Variants in IGSF3 observed in about 807,000 individuals in gnomAD.
IGSF3 encodes the protein glu-Trp-Ile EWI motif-containing protein 3.
IGSF3 carries 23 observed loss-of-function variants against 114.4 expected under a neutral mutation model. The ratio of observed to expected loss-of-function variants is 0.20; its 90% CI spans 0.14 to 0.28. The LOEUF (loss-of-function observed/expected upper bound fraction) is 0.28. Among genes scored for constraint, IGSF3 ranks in the 10% least tolerant of loss-of-function variants. The pLI is 1.00. For synonymous variants in IGSF3, 571 were observed against 645.2 expected, an observed-to-expected ratio of 0.88 and a Z score of 1.74; for missense variants, 1,172 against 1,591.5, an observed-to-expected ratio of 0.74 and a Z score of 4.48.
chr1:116,653,208 T>A (rs1462869361), intron 2 of IGSF3, among the ~76,000 whole-genome samples: 2 of 152,156 alleles, frequency 1.3e-5, no homozygotes, highest in Admixed American at 6.5e-5. Context: ...CCGTTACAGA[T>A]CACAGAGTAA....
rs201362284 is a variant in IGSF3, at chr1:116,584,679, G to C, written c.2814C>G (p.Thr938=). 1.1e-4 allele frequency: 184 copies of C among 1,614,160 alleles called. 1 individual carries two copies. The East Asian group carries it at 3.9e-3, about 34-fold the overall frequency. Residue 938 remains threonine (T), a synonymous_variant, in exon 9 of 11, where the codon ACC becomes ACG. Coordinates refer to ENST00000369486, the MANE Select transcript of IGSF3 (RefSeq NM_001007237.3). This position sits in a 1 kb window ranked among gnomAD's most constrained non-coding sequence, Gnocchi z 5.8. The part of the protein sequence containing the change: ...SGMWYKRAED[T]AGQTALTVMR... ...TGACTGTCAGAGCTGTCTGCCCAGC[G>C]GTGTCCTCTGCCCGCTTATACCACA...
rs768491190 is a variant in IGSF3 at position 116,616,360 on chromosome 1, G to A, written c.141C>T (p.Tyr47=). Residue 47 remains tyrosine (Y), a synonymous_variant, in exon 3 of 11, where the codon TAC becomes TAT. Coordinates refer to ENST00000369486, the MANE Select transcript of IGSF3 (RefSeq NM_001007237.3). This position sits in a 1 kb window ranked among gnomAD's most constrained non-coding sequence, Gnocchi z 6.6. ...HITIWCNVSG[Y]QGPSEQNFQW... ...GGAAATTCTGCTCAGAAGGTCCCTG[G>A]TAGCCACTCACATTGCACCAGATAG... 3 of 1,611,626 alleles carry A rather than the reference G, an allele frequency of 1.9e-6. No homozygotes were observed. Among genetic ancestry groups the A allele is most frequent in the Non-Finnish European group, 2.5e-6 (3 of 1,179,882 alleles).
In IGSF3 at chr1:116,577,568, A is replaced by G. The variant is rs1324375617; in HGVS notation, c.3335-6T>C. The G allele has an allele frequency of 1.2e-6, 2 of 1,613,358 alleles. No homozygotes were observed. The highest frequency in any genetic ancestry group is 4.5e-5 in the East Asian group (2 of 44,888). ...GATGGACTGGAGGGTGGGACCTGAA[A>G]AGAATCATGAGAGAGACAAGACAAT... On this transcript the variant is annotated splice_region_variant and splice_polypyrimidine_tract_variant and intron_variant, in intron 10 of 10. Coordinates refer to ENST00000369486, the MANE Select transcript of IGSF3 (RefSeq NM_001007237.3). The surrounding 1 kb of genome is among the most constrained non-coding windows in gnomAD (Gnocchi z 5.7).
At position 116,608,180 on chromosome 1, in the gene IGSF3, C is replaced by T. The variant is rs1660869268; in HGVS notation, c.984G>A (p.Met328Ile). The T allele has an allele frequency of 1.9e-6, 3 of 1,612,296 alleles. No homozygotes were observed. Among genetic ancestry groups the T allele is most frequent in the Non-Finnish European group, 2.5e-6 (3 of 1,178,468 alleles). The part of the protein sequence containing the change: ...WAFNSSLIAT[M>I]GPNAVPVLNS... ...TGAGGACAGGCACAGCGTTAGGACC[C>T]ATGGTGGCGATGAGCGAGCTGTTGA... Residue 328 changes from methionine (M) to isoleucine (I), a missense_variant, in exon 5 of 11, where the codon ATG becomes ATA. Around this residue, in one of 3 missense-constraint regions of IGSF3, gnomAD observed 736 missense variants for 1,042.0 expected, o/e 0.71. Coordinates refer to ENST00000369486, the MANE Select transcript of IGSF3 (RefSeq NM_001007237.3).
chr1:116,664,155 C>A lies in IGSF3; in HGVS notation c.43+2129G>T, dbSNP rs538509039. On this transcript the variant is annotated intron_variant, in intron 2 of 10. Coordinates refer to ENST00000369486, the MANE Select transcript of IGSF3 (RefSeq NM_001007237.3). This position sits in a 1 kb window ranked among gnomAD's most constrained non-coding sequence, Gnocchi z 4.6. The stretch of plus-strand genomic sequence containing the variant: ...AGGTTCCACCAGTGGGGCTCCAAAT[C>A]AGGCAGAGATCCACATGCATGCCTA... Among the ~76,000 whole-genome samples the A allele has an allele frequency of 1.3e-5, 2 of 152,310 alleles. No homozygotes were observed. Among genetic ancestry groups the A allele is most frequent in the African/African-American group, 4.8e-5 (2 of 41,558 alleles).
chr1:116,583,920 C>T lies in IGSF3; in HGVS notation c.2848+725G>A, dbSNP rs1049045867. Among the ~76,000 whole-genome samples, 1 of 152,168 alleles carries T rather than the reference C, an allele frequency of 6.6e-6. No individual in the cohort carries two copies. Among genetic ancestry groups the T allele is most frequent in the Non-Finnish European group, 1.5e-5 (1 of 68,022 alleles). ...AAATTATTGGGACCAGGCACAGTAG[C>T]TCACACCTGTAATCCCACCACTTTG... On this transcript the variant is annotated intron_variant, in intron 9 of 10. Transcript: ENST00000369486. This position sits in a 1 kb window ranked among gnomAD's most constrained non-coding sequence, Gnocchi z 4.5.
chr1:116,607,821 G>T lies in IGSF3; in HGVS notation c.1222+121C>A. ...GCTCAATGGTTTTTCCCCCAGCTCT[G>T]CATTAACCTCGAGGGTTCCATCTGC... On this transcript the variant is annotated intron_variant, in intron 5 of 10. Transcript: ENST00000369486. This position sits in a 1 kb window ranked among gnomAD's most constrained non-coding sequence, Gnocchi z 6.1. The T allele has an allele frequency of 2.0e-6, 2 of 977,852 alleles. No homozygotes were observed. The highest frequency in any genetic ancestry group is 6.5e-4 in the Middle Eastern group (2 of 3,090). 60.6% of individuals were successfully genotyped at this position (977,852 alleles called of 1,614,324 possible). A position where few individuals can be genotyped will look rare whatever the true frequency, so the allele number is the denominator to read the frequency against.
rs893054683 is a variant in IGSF3 at position 116,649,988 on chromosome 1, C to T, written c.43+16296G>A. On this transcript the variant is annotated intron_variant, in intron 2 of 10. Coordinates refer to ENST00000369486, the MANE Select transcript of IGSF3 (RefSeq NM_001007237.3). The surrounding 1 kb of genome is among the most constrained non-coding windows in gnomAD (Gnocchi z 4.5). ...TCCCACACAAATCCTAATCCTACCT[C>T]AGGATCCATTTCAAATACAATCTCC... 5.3e-5 allele frequency among the ~76,000 whole-genome samples: 8 copies of T among 152,178 alleles called. No individual in the cohort carries two copies. The highest frequency in any genetic ancestry group is 1.0e-4 in the Non-Finnish European group (7 of 68,034).
In IGSF3 at chr1:116,640,765, G is replaced by A. The variant is rs193191356; in HGVS notation, c.44-24308C>T. ...ATATTCTTGTAAATCTTCATCCAAG[G>A]GTATCTTCAACCACACTAGGCATTG... On this transcript the variant is annotated intron_variant, in intron 2 of 10. Transcript: ENST00000369486. Among the ~76,000 whole-genome samples, 359 of 152,138 alleles carry A rather than the reference G, an allele frequency of 2.4e-3. 2 individuals carry two copies. The highest frequency in any genetic ancestry group is 8.3e-3 in the African/African-American group (346 of 41,482).
At position 116,595,580 on chromosome 1, in the gene IGSF3, T is replaced by C. The variant is rs1341802613; in HGVS notation, c.2029+4361A>G. The stretch of plus-strand genomic sequence containing the variant: ...TCCAGAGGGTATTAAATATTCATCC[T>C]GACTGCCCATCAGTAAAATCCCAGC... On this transcript the variant is annotated intron_variant, in intron 7 of 10. Coordinates refer to ENST00000369486, the MANE Select transcript of IGSF3 (RefSeq NM_001007237.3). This position sits in a 1 kb window ranked among gnomAD's most constrained non-coding sequence, Gnocchi z 4.2. 6.6e-6 allele frequency among the ~76,000 whole-genome samples: 1 copy of C among 152,246 alleles called. No individual in the cohort carries two copies. Among genetic ancestry groups the C allele is most frequent in the African/African-American group, 2.4e-5 (1 of 41,472 alleles).
At position 116,654,506 on chromosome 1, in the gene IGSF3, G is replaced by A. The variant is rs1648763966; in HGVS notation, c.43+11778C>T. Reference sequence around the variant, plus strand: ...CATCGAGCTGCTACAGCAGCTTCTGGGAATTTGTAAGAGCCATACTGATGA... The same window carrying A: ...CATCGAGCTGCTACAGCAGCTTCTGAGAATTTGTAAGAGCCATACTGATGA... On this transcript the variant is annotated intron_variant, in intron 2 of 10. Coordinates refer to ENST00000369486, the MANE Select transcript of IGSF3 (RefSeq NM_001007237.3). This position sits in a 1 kb window ranked among gnomAD's most constrained non-coding sequence, Gnocchi z 4.4. Among the ~76,000 whole-genome samples, 1 of 152,210 alleles carries A rather than the reference G, an allele frequency of 6.6e-6. No individual in the cohort carries two copies. The highest frequency in any genetic ancestry group is 1.9e-4 in the East Asian group (1 of 5,194).
rs1659784135 is a variant in IGSF3, at chr1:116,585,184, G to C, written c.2441-132C>G. 3.2e-6 allele frequency: 2 copies of C among 633,794 alleles called. No homozygotes were observed. The highest frequency in any genetic ancestry group is 5.2e-6 in the Non-Finnish European group (2 of 386,470). The allele number at this position is 633,794 out of a possible 1,614,324, so 39.3% of individuals were successfully genotyped here. On this transcript the variant is annotated intron_variant, in intron 8 of 10. Transcript: ENST00000369486. This position sits in a 1 kb window ranked among gnomAD's most constrained non-coding sequence, Gnocchi z 4.9. ...CAGCACACACTCCATTAGGAGAAAC[G>C]TTTCTCAGATGTGGCTCCCTAAACA...
At chr1:116,599,165 A>G (rs2101420039) in intron 7 of IGSF3, among the ~76,000 whole-genome samples, 1 of 152,222 alleles carries the variant, frequency 6.6e-6, no homozygotes, top group East Asian at 1.9e-4. Context: ...CAATTCTAAT[A>G]AAGTAACTGA....
chr1:116,600,388 C>T lies in IGSF3; in HGVS notation c.1625-43G>A. The T allele has an allele frequency of 6.5e-7, 1 of 1,547,958 alleles. No homozygotes were observed. The highest frequency in any genetic ancestry group is 8.8e-7 in the Non-Finnish European group (1 of 1,134,594). Reference sequence around the variant, plus strand: ...AGATTCAACCAGAGGAGGCATGTGGCTTTCTCAGGGCAGTATGACATCAGC... The same window carrying T: ...AGATTCAACCAGAGGAGGCATGTGGTTTTCTCAGGGCAGTATGACATCAGC... On this transcript the variant is annotated intron_variant, in intron 6 of 10. Coordinates refer to ENST00000369486, the MANE Select transcript of IGSF3 (RefSeq NM_001007237.3). The surrounding 1 kb of genome is among the most constrained non-coding windows in gnomAD (Gnocchi z 5.5).
intron 4 of IGSF3, among the ~76,000 whole-genome samples, chr1:116,609,046 G>C (rs1240134650): frequency 1.3e-5 from 2 of 151,766 alleles, no homozygotes; most frequent in African/African-American, 2.4e-5. Context: ...TACTTTAGTA[G>C]GAAAGTACCT....
At chr1:116,656,394 G>A (rs1162075572) in intron 2 of IGSF3, among the ~76,000 whole-genome samples, 18 of 147,276 alleles carry the variant, frequency 1.2e-4, no homozygotes, top group Middle Eastern at 3.6e-3. Context: ...TCCGCCTCCC[G>A]GGTTCACACC....
rs200177381 is a variant in IGSF3, at chr1:116,616,312, C to T, written c.189G>A (p.Ser63=). ...CGATCTGCACCTCTCGCTCTGGCGA[C>T]GAAGGCAGGTAAATGGACCACTGGA... The part of the protein sequence containing the change: ...QNFQWSIYLP[S]SPEREVQIVS... Residue 63 remains serine, a synonymous_variant, in exon 3 of 11, where the codon TCG becomes TCA. Coordinates refer to ENST00000369486, the MANE Select transcript of IGSF3 (RefSeq NM_001007237.3). The surrounding 1 kb of genome is among the most constrained non-coding windows in gnomAD (Gnocchi z 6.6). 21 of 1,612,168 alleles carry T rather than the reference C, an allele frequency of 1.3e-5. No individual in the cohort carries two copies. The highest frequency in any genetic ancestry group is 2.2e-5 in the East Asian group (1 of 44,890).
At chr1:116,637,214 T>G (rs1186431315) in intron 2 of IGSF3, among the ~76,000 whole-genome samples, 1 of 152,206 alleles carries the variant, frequency 6.6e-6, no homozygotes. Flanking sequence ...TAGATGCACA[T>G]TCCCACTAAT....
In IGSF3 at chr1:116,577,216, T is replaced by G. The variant is rs1001334907; in HGVS notation, c.*96A>C. ...CAAGTCTGACAACTTTCCACACACA[T>G]GCACCCCAGAGTTTGGGTGCTGTCA... On this transcript the variant is annotated 3_prime_UTR_variant, in exon 11 of 11. Transcript: ENST00000369486. The surrounding 1 kb of genome is among the most constrained non-coding windows in gnomAD (Gnocchi z 5.7). 1.5e-5 allele frequency: 21 copies of G among 1,358,440 alleles called. No individual in the cohort carries two copies. The highest frequency in any genetic ancestry group is 5.3e-4 in the Middle Eastern group (2 of 3,798). 84.1% of individuals were successfully genotyped at this position (1,358,440 alleles called of 1,614,324 possible).
Sources: allele counts gnomAD v4.1 joint callset (sites outside exome capture counted in the v4.1 genomes callset), GRCh38; gene constraint gnomAD v4.1.1; regional missense constraint gnomAD v4.1.1; non-coding constraint Gnocchi (gnomAD v3.1); transcripts MANE v1.5; gene names NCBI Gene and HGNC (gene_info 2026-07-23, HGNC 2026-07-21).